USP34: variants seen among roughly 807,000 people sequenced by gnomAD.
USP34 encodes the protein ubiquitin specific peptidase 34, also known as ubiquitin carboxyl-terminal hydrolase 34.
Under a neutral mutation model 460.3 loss-of-function variants are expected in USP34, and 70 were observed. That is an observed-to-expected ratio of 0.15 (90% CI 0.13 to 0.19). The LOEUF is 0.19. USP34 is among the 10% of genes least tolerant of loss of function. The probability of loss-of-function intolerance (pLI) is 1.00; values close to 1 mark genes in which losing one functional copy is unlikely to be tolerated. For synonymous variants in USP34, 1,647 were observed against 1,405.3 expected, an observed-to-expected ratio of 1.17 and a Z score of -3.85; for missense variants, 3,985 against 4,236.2, an observed-to-expected ratio of 0.94 and a Z score of 1.65.
chr2:61,314,517 G>C, intron 25 of USP34, 68 bp downstream of exon 25: 2 of 1,320,556 alleles, frequency 1.5e-6, no homozygotes, highest in Non-Finnish European at 2.0e-6. Context: ...TTCACTTTAA[G>C]AATATTTCTG....
chr2:61,232,780 A>G (rs926346551), intron 57 of USP34, among the ~76,000 whole-genome samples: 1 of 151,690 alleles, frequency 6.6e-6, no homozygotes, highest in East Asian at 1.9e-4. Context: ...GTCCTTTATC[A>G]TAATAAAATA....
At chr2:61,349,332 G>C (rs1373054665) in intron 12 of USP34, 47 bp from the exon 13 acceptor site, 5 of 1,580,832 alleles carry the variant, frequency 3.2e-6, no homozygotes, top group East Asian at 2.2e-5. Flanking sequence ...AAGTGACTCA[G>C]CTTCTTTGAG....
intron 1 of USP34, among the ~76,000 whole-genome samples, chr2:61,441,848 A>C (rs1027204508): frequency 4.6e-5 from 7 of 151,358 alleles, no homozygotes; most frequent in African/African-American, 1.7e-4. Context: ...AAAAAAAAGG[A>C]AGAAAAAAGA....
At chr2:61,200,376 C>T (rs1459971122) in intron 75 of USP34, 2 of 152,274 alleles carry the variant, frequency 1.3e-5, no homozygotes, top group Non-Finnish European at 2.9e-5. Context: ...TTTCCGTTTC[C>T]TCCAACCCCA....
chr2:61,396,652 C>T (rs1401905959), intron 3 of USP34, among the ~76,000 whole-genome samples: 1 of 152,058 alleles, frequency 6.6e-6, no homozygotes, highest in Admixed American at 6.6e-5. Context: ...CCATGCCCGG[C>T]TAATTTTTTG....
intron 10 of USP34, among the ~76,000 whole-genome samples, chr2:61,357,557 T>C (rs1034433695): frequency 2.0e-5 from 3 of 151,758 alleles, no homozygotes; most frequent in Non-Finnish European, 4.4e-5. Context: ...CTAAAGCTAG[T>C]AGAAGGAAGA....
chr2:61,201,163 T>C (rs1395803460), intron 75 of USP34, among the ~76,000 whole-genome samples: 1 of 151,646 alleles, frequency 6.6e-6, no homozygotes, highest in Non-Finnish European at 1.5e-5. Flanking sequence ...GGCTACTGAC[T>C]ACTATGCATG....
At chr2:61,301,271 C>G (rs1690215206) in intron 28 of USP34, 83 bp downstream of exon 28, 1 of 1,518,432 alleles carries the variant, frequency 6.6e-7, no homozygotes, top group African/African-American at 1.4e-5. Flanking sequence ...GCAATAAGAG[C>G]TGTTTTTAAA....
intron 75 of USP34, chr2:61,194,237 A>C: frequency 1.0e-6 from 1 of 985,398 alleles, no homozygotes; most frequent in Non-Finnish European, 1.2e-6. Flanking sequence ...TTTAGACACA[A>C]GAGGCAAGGA....
At chr2:61,461,253 C>T (rs1348639544) in intron 1 of USP34, among the ~76,000 whole-genome samples, 1 of 151,636 alleles carries the variant, frequency 6.6e-6, no homozygotes, top group Non-Finnish European at 1.5e-5. Context: ...ATTAGCCAGG[C>T]ATGGTGGCAG....
At chr2:61,393,493 T>C (rs1693417999) in intron 5 of USP34, among the ~76,000 whole-genome samples, 1 of 151,584 alleles carries the variant, frequency 6.6e-6, no homozygotes, top group South Asian at 2.1e-4. Flanking sequence ...TATGTAATAA[T>C]TTCAACCTAT....
At position 61,206,797 on chromosome 2, in the gene USP34, C is replaced by G. The variant is rs752533158; in HGVS notation, c.9009G>C (p.Ser3003=). The change falls in exon 71 of 80, where the codon TCG becomes TCC. Residue 3003 remains serine (S), a synonymous_variant. Coordinates refer to ENST00000398571, the MANE Select transcript of USP34 (RefSeq NM_014709.4). ...GATAAGGGCGTGTAGACTTCAAAAC[C>G]GAAAGAAATATTGACAGAAGTTCTA... ...DLVELLSIFL[S]VLKSTRPYLQ... The G allele has an allele frequency of 1.2e-6, 2 of 1,613,292 alleles. No homozygotes were observed. Among genetic ancestry groups the G allele is most frequent in the East Asian group, 2.2e-5 (1 of 44,866 alleles).
intron 2 of USP34, among the ~76,000 whole-genome samples, chr2:61,418,083 A>G (rs190007944): frequency 1.7e-3 from 240 of 145,308 alleles, no homozygotes; most frequent in Middle Eastern, 4.0e-3. Context: ...TCTTGTTAAC[A>G]TACTTTTTTT....
At chr2:61,416,612 G>T (rs1694201198) in intron 2 of USP34, among the ~76,000 whole-genome samples, 1 of 152,102 alleles carries the variant, frequency 6.6e-6, no homozygotes, top group African/African-American at 2.4e-5. Context: ...TATGCTCTGT[G>T]GTATCGGTGC....
chr2:61,263,529 T>A (rs1369639299), intron 43 of USP34, among the ~76,000 whole-genome samples: 1 of 150,854 alleles, frequency 6.6e-6, no homozygotes, highest in Non-Finnish European at 1.5e-5. Flanking sequence ...TCGCCTAGGC[T>A]GCAGTGCATT....
chr2:61,214,578 C>T lies in USP34; in HGVS notation c.8164G>A (p.Val2722Ile), dbSNP rs373767252. The change falls in exon 68 of 80, where the codon GTA (valine) becomes ATA (isoleucine). Residue 2722 changes from valine to isoleucine, a missense_variant. By Grantham distance (29) the Val-to-Ile change is conservative. This residue lies in a region of USP34 where 604 missense variants were observed against 684.8 expected (regional missense o/e 0.88). Coordinates refer to ENST00000398571, the MANE Select transcript of USP34 (RefSeq NM_014709.4). ...ACGTTGTAGACCTGATGTAGGACTACTGTTGTGTCTGGACTGAGTGGAAGG... is the reference window on the plus strand; with the variant it reads ...ACGTTGTAGACCTGATGTAGGACTATTGTTGTGTCTGGACTGAGTGGAAGG... ...RDLPLSPDTT[V>I]VLHQVYNVLL... is the part of the protein sequence containing the mutation. The T allele has an allele frequency of 2.7e-5, 43 of 1,613,706 alleles. No individual in the cohort carries two copies. The highest frequency in any genetic ancestry group is 3.4e-5 in the Non-Finnish European group (40 of 1,179,882).
intron 2 of USP34, among the ~76,000 whole-genome samples, chr2:61,413,690 CA>C (rs1220966215): frequency 8.0e-6 from 1 of 125,050 alleles, no homozygotes; most frequent in Non-Finnish European, 1.7e-5. Context: ...AATAAAAAAA[CA>C]AAAGAGGCCG....
chr2:61,456,364 A>G (rs1188934258), intron 1 of USP34, among the ~76,000 whole-genome samples: 1 of 152,240 alleles, frequency 6.6e-6, no homozygotes, highest in Non-Finnish European at 1.5e-5. Context: ...TTTCAGGAAC[A>G]GAGTCAATAA....
At chr2:61,260,256 A>G (rs1288628623) in intron 43 of USP34, among the ~76,000 whole-genome samples, 2 of 152,220 alleles carry the variant, frequency 1.3e-5, no homozygotes, top group Non-Finnish European at 2.9e-5. Flanking sequence ...AAAACTGTCT[A>G]AATATTCAAC....
Sources: gnomAD v4.1 joint callset for allele counts (sites outside exome capture counted in the v4.1 genomes callset) on GRCh38, gnomAD v4.1.1 for gene constraint, gnomAD v4.1.1 regional missense constraint, MANE v1.5 for transcripts, NCBI Gene and HGNC (gene_info 2026-07-23, HGNC 2026-07-21) for gene names.